The following CNBD1 variants were observed in gnomAD, a reference collection of about 807,000 sequenced individuals.
CNBD1 encodes cyclic nucleotide-binding domain-containing protein 1.
Under a neutral mutation model 54.4 loss-of-function variants are expected in CNBD1, and 71 were observed. The observed-to-expected ratio is 1.30, with a 90% CI of 1.08 to 1.59. CNBD1 has a LOEUF of 1.59. Ranked by LOEUF, CNBD1 falls within the 40% of genes most tolerant of loss-of-function variation. The pLI is 0.00. For missense variants in CNBD1, 659 were observed against 518.0 expected (o/e 1.27, Z -2.64); for synonymous variants, 182 against 170.7 (o/e 1.07, Z -0.51).
chr8:86,977,671 T>C (rs1465387553), intron 4 of CNBD1, among the ~76,000 whole-genome samples: 1 of 152,046 alleles, frequency 6.6e-6, no homozygotes. Flanking sequence ...AAATAAAACC[T>C]TTGAAGACTG....
chr8:87,099,246 C>T (rs1204751724), intron 4 of CNBD1, among the ~76,000 whole-genome samples: 1 of 151,958 alleles, frequency 6.6e-6, no homozygotes, highest in Non-Finnish European at 1.5e-5. Flanking sequence ...AGAATGGCTG[C>T]AGCACAGTGA....
In CNBD1 at chr8:87,286,532, G is replaced by T; in HGVS notation, c.910-7G>T. On this transcript the variant is annotated splice_region_variant and splice_polypyrimidine_tract_variant and intron_variant, in intron 7 of 10. Coordinates refer to ENST00000518476, the MANE Select transcript of CNBD1 (RefSeq NM_173538.3). ...ATTAAAAATTTGATAATGACATTCTGTTTTAGGAAAAAATAAAACTTGAAA... is the reference window on the plus strand; with the variant it reads ...ATTAAAAATTTGATAATGACATTCTTTTTTAGGAAAAAATAAAACTTGAAA... The T allele has an allele frequency of 7.2e-7, 1 of 1,387,812 alleles. No homozygotes were observed. Among genetic ancestry groups the T allele is most frequent in the Admixed American group, 2.1e-5 (1 of 46,866 alleles). The allele number at this position is 1,387,812 out of a possible 1,614,324, so 86.0% of individuals were successfully genotyped here.
At chr8:86,876,572 G>A (rs1458815466) in intron 1 of CNBD1, among the ~76,000 whole-genome samples, 2 of 150,608 alleles carry the variant, frequency 1.3e-5, no homozygotes, top group Non-Finnish European at 3.0e-5. Context: ...GCTTTTCTTT[G>A]TTTTCTCCTT....
At chr8:87,168,798 T>A (rs1301643398) in intron 4 of CNBD1, among the ~76,000 whole-genome samples, 1 of 152,126 alleles carries the variant, frequency 6.6e-6, no homozygotes, top group Non-Finnish European at 1.5e-5. Flanking sequence ...TACTCCACTG[T>A]GTATATGTGC....
At chr8:87,049,088 A>G (rs1810259760) in intron 4 of CNBD1, among the ~76,000 whole-genome samples, 1 of 152,156 alleles carries the variant, frequency 6.6e-6, no homozygotes, top group Admixed American at 6.5e-5. Context: ...CTGAGGTCTT[A>G]CTTCTCTTAT....
At chr8:87,374,091 AC>A (rs1408824748) in intron 10 of CNBD1, among the ~76,000 whole-genome samples, 1 of 151,768 alleles carries the variant, frequency 6.6e-6, no homozygotes, top group East Asian at 1.9e-4. Context: ...AAAATTCCTT[AC>A]AAAATAATTC....
At chr8:87,036,284 A>G (rs73281221) in intron 4 of CNBD1, among the ~76,000 whole-genome samples, 4,559 of 152,180 alleles carry the variant, frequency 0.03, 234 homozygotes, top group African/African-American at 0.1. Flanking sequence ...ATTGTTCACT[A>G]TTATTTTTAC....
intron 4 of CNBD1, among the ~76,000 whole-genome samples, chr8:87,189,802 A>T (rs1398699113): frequency 6.6e-6 from 1 of 152,186 alleles, no homozygotes; most frequent in Non-Finnish European, 1.5e-5. Context: ...ATCAATTGTT[A>T]TTCTGTTCAT....
chr8:86,871,487 C>T (rs1808443104), intron 1 of CNBD1, among the ~76,000 whole-genome samples: 1 of 152,230 alleles, frequency 6.6e-6, no homozygotes, highest in Non-Finnish European at 1.5e-5. Context: ...GGGTCCTACT[C>T]TCCTTTAAAA....
intron 8 of CNBD1, among the ~76,000 whole-genome samples, chr8:87,332,383 A>G (rs778254828): frequency 1.4e-4 from 22 of 151,770 alleles, no homozygotes; most frequent in Non-Finnish European, 2.6e-4. Context: ...CTTTAGTTTA[A>G]TTAGGTCCCA....
At chr8:87,299,978 GA>G (rs1330721752) in intron 8 of CNBD1, among the ~76,000 whole-genome samples, 1 of 152,078 alleles carries the variant, frequency 6.6e-6, no homozygotes, top group Non-Finnish European at 1.5e-5. Flanking sequence ...CAATGGCCTA[GA>G]AATATGGAGA....
At chr8:87,356,172 T>C (rs1431571357) in intron 10 of CNBD1, among the ~76,000 whole-genome samples, 1 of 152,160 alleles carries the variant, frequency 6.6e-6, no homozygotes, top group Non-Finnish European at 1.5e-5. Flanking sequence ...AGATATTCAT[T>C]AATGACAACA....
chr8:87,341,824 C>G (rs1810069615), intron 8 of CNBD1, among the ~76,000 whole-genome samples: 1 of 152,186 alleles, frequency 6.6e-6, no homozygotes, highest in Non-Finnish European at 1.5e-5. Flanking sequence ...TTATCAGCTT[C>G]CAGAATTGTG....
intron 8 of CNBD1, among the ~76,000 whole-genome samples, chr8:87,330,521 C>G (rs1809802267): frequency 6.6e-6 from 1 of 151,972 alleles, no homozygotes; most frequent in Admixed American, 6.6e-5. Context: ...GAAAATTTCT[C>G]TTGAGATTTT....
At chr8:87,145,024 T>C (rs974554016) in intron 4 of CNBD1, among the ~76,000 whole-genome samples, 41 of 152,216 alleles carry the variant, frequency 2.7e-4, no homozygotes, top group African/African-American at 9.6e-4. Context: ...GAGGACAGAA[T>C]AAAGAAAATG....
intron 3 of CNBD1, among the ~76,000 whole-genome samples, chr8:86,916,152 A>G (rs1281980831): frequency 1.3e-5 from 2 of 152,142 alleles, no homozygotes; most frequent in South Asian, 2.1e-4. Flanking sequence ...AGCAACCTCA[A>G]TGCTTGTCTC....
At chr8:87,256,053 C>A (rs1348000450) in intron 6 of CNBD1, among the ~76,000 whole-genome samples, 6 of 101,804 alleles carry the variant, frequency 5.9e-5, no homozygotes, top group African/African-American at 2.0e-4. Context: ...GACAGGGTCT[C>A]ACTCTGTCAC....
chr8:87,401,745 T>G (rs925016948), intron 2 of CNBD1, among the ~76,000 whole-genome samples: 15 of 152,144 alleles, frequency 9.9e-5, no homozygotes, highest in Admixed American at 5.2e-4. Context: ...GAAGCATGGA[T>G]TTTTTAAAAA....
chr8:87,189,266 G>A (rs1426725215), intron 4 of CNBD1, among the ~76,000 whole-genome samples: 1 of 152,088 alleles, frequency 6.6e-6, no homozygotes, highest in Non-Finnish European at 1.5e-5. Flanking sequence ...AGTTTGTGAT[G>A]GATGCTAAGG....
Sources: allele counts gnomAD v4.1 joint callset (sites outside exome capture counted in the v4.1 genomes callset), GRCh38; gene constraint gnomAD v4.1.1; transcripts MANE v1.5; gene names NCBI Gene and HGNC (gene_info 2026-07-23, HGNC 2026-07-21).